The following CADM2 variants were observed in gnomAD, a reference collection of about 807,000 sequenced individuals.
CADM2 encodes the protein immunoglobulin superfamily member 4D.
Under a neutral mutation model 49.8 loss-of-function variants are expected in CADM2, and 12 were observed. The observed-to-expected ratio is 0.24, with a 90% CI of 0.15 to 0.39. CADM2 has a LOEUF of 0.39. Among genes scored for constraint, CADM2 ranks in the 10% least tolerant of loss-of-function variants. The pLI is 1.00. For synonymous variants in CADM2, 214 were observed against 175.4 expected (o/e 1.22, Z -1.74); for missense variants, 378 against 492.3 (o/e 0.77, Z 2.20).
intron 8 of CADM2, among the ~76,000 whole-genome samples, chr3:86,060,976 T>A (rs559386029): frequency 3.9e-4 from 55 of 140,160 alleles, no homozygotes; most frequent in Middle Eastern, 3.7e-3. Context: ...AGCAAGGCTA[T>A]GTCTCAATAA....
At chr3:85,634,370 A>G (rs150944478) in intron 1 of CADM2, among the ~76,000 whole-genome samples, 1 of 152,074 alleles carries the variant, frequency 6.6e-6, no homozygotes, top group Non-Finnish European at 1.5e-5. Flanking sequence ...AACTGAAGAC[A>G]TTGCCTAGGG....
chr3:85,342,236 T>A (rs2029932632), intron 1 of CADM2, among the ~76,000 whole-genome samples: 1 of 152,050 alleles, frequency 6.6e-6, no homozygotes, highest in Non-Finnish European at 1.5e-5. Flanking sequence ...AGAAGACATT[T>A]ATGCAGCCAA....
At chr3:85,183,506 A>G (rs2040984056) in intron 1 of CADM2, among the ~76,000 whole-genome samples, 1 of 152,154 alleles carries the variant, frequency 6.6e-6, no homozygotes, top group Non-Finnish European at 1.5e-5. Flanking sequence ...CCAGTTGCAC[A>G]GTAATTTCTA....
intron 1 of CADM2, among the ~76,000 whole-genome samples, chr3:84,968,346 T>C (rs550264866): frequency 1.3e-5 from 2 of 152,196 alleles, no homozygotes; most frequent in Non-Finnish European, 2.9e-5. Context: ...CATAATACTC[T>C]AGTTTGTTAC....
intron 3 of CADM2, among the ~76,000 whole-genome samples, chr3:85,861,855 CTAA>C (rs1383772801): frequency 6.6e-6 from 1 of 151,452 alleles, no homozygotes; most frequent in African/African-American, 2.4e-5. Flanking sequence ...GCATTCAAAG[CTAA>C]TAATATCATA....
At chr3:85,350,509 T>A (rs986077380) in intron 1 of CADM2, among the ~76,000 whole-genome samples, 7 of 152,160 alleles carry the variant, frequency 4.6e-5, no homozygotes, top group Admixed American at 4.6e-4. Context: ...AACCTCTTGA[T>A]CTCATCTTTT....
chr3:85,368,500 A>T (rs930185746), intron 1 of CADM2, among the ~76,000 whole-genome samples: 2 of 150,942 alleles, frequency 1.3e-5, no homozygotes, highest in African/African-American at 4.9e-5. Flanking sequence ...TGAGATTCAT[A>T]TGTGTGTATA....
intron 1 of CADM2, among the ~76,000 whole-genome samples, chr3:85,034,299 C>T (rs970017287): frequency 6.6e-6 from 1 of 151,904 alleles, no homozygotes; most frequent in Non-Finnish European, 1.5e-5. Context: ...CGCTTCCCAG[C>T]TTCTAATGAG....
At chr3:85,941,790 A>G (rs1025416241) in intron 7 of CADM2, among the ~76,000 whole-genome samples, 9 of 152,090 alleles carry the variant, frequency 5.9e-5, no homozygotes, top group Non-Finnish European at 1.3e-4. Flanking sequence ...GGAAGGCCTT[A>G]AAGAACCCAA....
At chr3:86,035,266 T>TAATC in intron 8 of CADM2, among the ~76,000 whole-genome samples, 1 of 152,178 alleles carries the variant, frequency 6.6e-6, no homozygotes, top group Non-Finnish European at 1.5e-5. Flanking sequence ...TCTCAGATAT[T>TAATC]AATCATCTTC....
intron 1 of CADM2, among the ~76,000 whole-genome samples, chr3:85,540,445 T>G (rs935714406): frequency 6.6e-6 from 1 of 152,164 alleles, no homozygotes; most frequent in Admixed American, 6.5e-5. Flanking sequence ...GATTTGAGAC[T>G]ACTTAAAACA....
At chr3:85,912,006 A>G (rs1003408471) in intron 5 of CADM2, among the ~76,000 whole-genome samples, 6 of 150,814 alleles carry the variant, frequency 4.0e-5, no homozygotes, top group African/African-American at 1.5e-4. Context: ...CAGTGGCGCC[A>G]TCTCTGCTCA....
chr3:85,309,017 C>T (rs1184289177), intron 1 of CADM2, among the ~76,000 whole-genome samples: 1 of 152,086 alleles, frequency 6.6e-6, no homozygotes, highest in Non-Finnish European at 1.5e-5. Context: ...TCCATATAAA[C>T]TGGTCCCAAG....
intron 2 of CADM2, among the ~76,000 whole-genome samples, chr3:85,727,918 G>A (rs1256358800): frequency 6.6e-6 from 1 of 152,100 alleles, no homozygotes; most frequent in Non-Finnish European, 1.5e-5. Flanking sequence ...GTCTAGTGTG[G>A]TGAGAAAATC....
chr3:85,369,434 A>C (rs1328125751), intron 1 of CADM2, among the ~76,000 whole-genome samples: 2 of 152,130 alleles, frequency 1.3e-5, no homozygotes, highest in Non-Finnish European at 2.9e-5. Flanking sequence ...GGAGTTTGAG[A>C]CCAGCTTGGC....
rs374685074 is a variant in CADM2 at position 85,220,762 on chromosome 3, C to T, written c.61+261094C>T. On this transcript the variant is annotated intron_variant, in intron 1 of 9. Coordinates refer to ENST00000383699, the MANE Select transcript of CADM2 (RefSeq NM_001167675.2). Reference sequence around the variant, plus strand: ...TGAATACCGCCTTAGGAGAAATGATCAGGGTTACTGAGAAGTTCCAATTGA... The same window carrying T: ...TGAATACCGCCTTAGGAGAAATGATTAGGGTTACTGAGAAGTTCCAATTGA... Among the ~76,000 whole-genome samples, 85 of 151,844 alleles carry T rather than the reference C, an allele frequency of 5.6e-4. 1 individual carries two copies. Among genetic ancestry groups the T allele is most frequent in the African/African-American group, 2.0e-3 (84 of 41,408 alleles).
At chr3:85,394,553 G>A (rs1377651636) in intron 1 of CADM2, among the ~76,000 whole-genome samples, 1 of 152,070 alleles carries the variant, frequency 6.6e-6, no homozygotes, top group Non-Finnish European at 1.5e-5. Flanking sequence ...TCTAGCTAGA[G>A]CTGTGCTTTT....
intron 1 of CADM2, among the ~76,000 whole-genome samples, chr3:85,068,890 A>G (rs1450539617): frequency 6.6e-6 from 1 of 152,046 alleles, no homozygotes; most frequent in Non-Finnish European, 1.5e-5. Context: ...TTCTATGGTA[A>G]TGAATTAGTC....
chr3:85,321,116 A>ATTTTTTTTT (rs1157576505), intron 1 of CADM2, among the ~76,000 whole-genome samples: 1 of 27,496 alleles, frequency 3.6e-5, no homozygotes, highest in African/African-American at 1.5e-4. Context: ...ATATATATAT[A>ATTTTTTTTT]TTTTTTTTTT....
Sources: gnomAD v4.1 joint callset for allele counts (sites outside exome capture counted in the v4.1 genomes callset) on GRCh38, gnomAD v4.1.1 for gene constraint, MANE v1.5 for transcripts, NCBI Gene and HGNC (gene_info 2026-07-23, HGNC 2026-07-21) for gene names.